NFIA: variants seen among roughly 807,000 people sequenced by gnomAD.
The protein encoded by NFIA is nuclear factor I A.
NFIA carries 8 observed loss-of-function variants against 62.8 expected under a neutral mutation model. That is an observed-to-expected ratio of 0.13 (90% CI 0.07 to 0.23). NFIA has a LOEUF of 0.23. NFIA is among the 10% of genes least tolerant of loss of function. The pLI is 1.00. For missense variants in NFIA, 410 were observed against 642.1 expected, an observed-to-expected ratio of 0.64 and a Z score of 3.91; for synonymous variants, 235 against 238.1, an observed-to-expected ratio of 0.99 and a Z score of 0.12.
At chr1:61,443,864 T>A (rs989236347) in intron 10 of NFIA, among the ~76,000 whole-genome samples, 2 of 152,176 alleles carry the variant, frequency 1.3e-5, no homozygotes, top group African/African-American at 2.4e-5. Context: ...TTAATTTCAA[T>A]AAGCCAGGAA....
chr1:61,385,145 G>A (rs906609523), intron 7 of NFIA, among the ~76,000 whole-genome samples: 1 of 152,042 alleles, frequency 6.6e-6, no homozygotes, highest in Non-Finnish European at 1.5e-5. Context: ...GCTGAGGCAG[G>A]AGAATCACTT....
At chr1:61,434,012 T>C (rs961218859) in intron 10 of NFIA, among the ~76,000 whole-genome samples, 21 of 152,200 alleles carry the variant, frequency 1.4e-4, no homozygotes, top group African/African-American at 5.1e-4. Flanking sequence ...TGTAGGTTGT[T>C]CCACTGAGCA....
intron 2 of NFIA, among the ~76,000 whole-genome samples, chr1:61,156,240 G>A (rs1240154145): frequency 6.6e-6 from 1 of 152,212 alleles, no homozygotes; most frequent in Non-Finnish European, 1.5e-5. Context: ...TTCCAGATAA[G>A]GAAAGTGTAT....
At chr1:61,101,323 A>C (rs1302115408) in intron 2 of NFIA, among the ~76,000 whole-genome samples, 1 of 149,790 alleles carries the variant, frequency 6.7e-6, no homozygotes, top group Non-Finnish European at 1.5e-5. Flanking sequence ...TGAACCCGGG[A>C]GGCAAAGGTT....
chr1:61,291,311 G>T (rs1658866425), intron 3 of NFIA, among the ~76,000 whole-genome samples: 1 of 152,178 alleles, frequency 6.6e-6, no homozygotes, highest in Non-Finnish European at 1.5e-5. Context: ...CAGAGTAGGA[G>T]ACTCAGGTGG....
chr1:61,139,413 A>G (rs1442165129), intron 2 of NFIA, among the ~76,000 whole-genome samples: 5 of 152,330 alleles, frequency 3.3e-5, no homozygotes, highest in African/African-American at 1.2e-4. Context: ...GCAGCCGAGC[A>G]AATGGGCCTG....
chr1:61,116,124 C>T (rs1646789721), intron 2 of NFIA, among the ~76,000 whole-genome samples: 1 of 150,824 alleles, frequency 6.6e-6, no homozygotes, highest in Non-Finnish European at 1.5e-5. Context: ...TCAGCTACAA[C>T]AAAGTTAAAT....
At chr1:61,268,410 G>T (rs146855999) in intron 2 of NFIA, among the ~76,000 whole-genome samples, 161 of 146,698 alleles carry the variant, frequency 1.1e-3, no homozygotes, top group African/African-American at 4.0e-3. Context: ...CTACTCCCCT[G>T]CCCCCACCCC....
intron 9 of NFIA, among the ~76,000 whole-genome samples, chr1:61,419,833 G>C (rs1222300023): frequency 2.0e-5 from 3 of 152,210 alleles, no homozygotes; most frequent in Non-Finnish European, 4.4e-5. Flanking sequence ...AAGGAAGCTT[G>C]TGGGTATGTT....
chr1:61,437,463 C>T (rs897379862), intron 10 of NFIA, among the ~76,000 whole-genome samples: 1 of 152,088 alleles, frequency 6.6e-6, no homozygotes, highest in African/African-American at 2.4e-5. Context: ...TAGCTCATCT[C>T]TCCCACCCGC....
At chr1:61,434,452 C>T (rs1426171499) in intron 10 of NFIA, among the ~76,000 whole-genome samples, 1 of 152,288 alleles carries the variant, frequency 6.6e-6, no homozygotes, top group Non-Finnish European at 1.5e-5. Flanking sequence ...GCGGCTGACT[C>T]ACTGACAGGC....
At chr1:61,258,728 GT>G (rs397755464) in intron 2 of NFIA, among the ~76,000 whole-genome samples, 8,398 of 149,694 alleles carry the variant, frequency 0.056, 302 homozygotes, top group Admixed American at 0.077. Flanking sequence ...AGGAAATGTG[GT>G]TTTTTTTTTA....
chr1:61,142,250 C>T (rs1323151187), intron 2 of NFIA, among the ~76,000 whole-genome samples: 1 of 152,000 alleles, frequency 6.6e-6, no homozygotes, highest in African/African-American at 2.4e-5. Context: ...AATTATGTTG[C>T]AAAGAAGAAA....
intron 2 of NFIA, among the ~76,000 whole-genome samples, chr1:61,183,795 A>G (rs1178557200): frequency 1.3e-5 from 2 of 152,148 alleles, no homozygotes; most frequent in Admixed American, 6.5e-5. Flanking sequence ...CAAAGAGGAT[A>G]TGTCCTTTTT....
At chr1:61,263,125 C>T (rs2100243379) in intron 2 of NFIA, among the ~76,000 whole-genome samples, 1 of 152,202 alleles carries the variant, frequency 6.6e-6, no homozygotes, top group East Asian at 1.9e-4. Context: ...ACTATTTCTC[C>T]TTTGACTTTG....
intron 2 of NFIA, among the ~76,000 whole-genome samples, chr1:61,235,652 T>TAA (rs759009832): frequency 7.3e-5 from 10 of 137,384 alleles, no homozygotes; most frequent in Admixed American, 1.5e-4. Flanking sequence ...CCCATCTCTT[T>TAA]AAAAAAAAAA....
intron 6 of NFIA, among the ~76,000 whole-genome samples, chr1:61,363,292 CT>C (rs1663396439): frequency 6.6e-6 from 1 of 152,106 alleles, no homozygotes; most frequent in Non-Finnish European, 1.5e-5. Context: ...GTCTCATGTC[CT>C]GGACTGGTAC....
intron 6 of NFIA, among the ~76,000 whole-genome samples, chr1:61,364,247 A>G (rs1369422385): frequency 1.3e-5 from 2 of 152,108 alleles, no homozygotes; most frequent in South Asian, 2.1e-4. Flanking sequence ...ACGCCAGGCC[A>G]TCTCTCTGCT....
intron 3 of NFIA, among the ~76,000 whole-genome samples, chr1:61,325,559 ATAT>A (rs374723541): frequency 1.0e-3 from 156 of 152,334 alleles, no homozygotes; most frequent in African/African-American, 3.5e-3. Flanking sequence ...CCATGGGGAC[ATAT>A]TATAAACATA....
Sources: allele counts gnomAD v4.1 joint callset (sites outside exome capture counted in the v4.1 genomes callset), GRCh38; gene constraint gnomAD v4.1.1; transcripts MANE v1.5; gene names NCBI Gene and HGNC (gene_info 2026-07-23, HGNC 2026-07-21).